The following INTS9 variants were observed in gnomAD, a reference collection of about 807,000 sequenced individuals.
INTS9 encodes the protein protein related to CPSF subunits of 74 kDa.
In INTS9, 55 loss-of-function variants were observed where a neutral mutation model predicts 79.7. The ratio of observed to expected loss-of-function variants is 0.69; its 90% CI spans 0.56 to 0.86. The LOEUF (loss-of-function observed/expected upper bound fraction) is 0.86. INTS9 is among the 40% of genes least tolerant of loss of function. INTS9 has a pLI of 0.00. For missense variants in INTS9, 721 were observed against 831.5 expected, an observed-to-expected ratio of 0.87 and a Z score of 1.64; for synonymous variants, 319 against 325.2, an observed-to-expected ratio of 0.98 and a Z score of 0.20.
chr8:28,793,669 A>G (rs1181706255), intron 10 of INTS9, 138 bp downstream of exon 10: 2 of 847,812 alleles, frequency 2.4e-6, no homozygotes, highest in Admixed American at 3.0e-5. Flanking sequence ...TAATAATGCA[A>G]TCTTATCACA....
intron 8 of INTS9, among the ~76,000 whole-genome samples, chr8:28,806,387 G>C (rs1176475868): frequency 6.6e-6 from 1 of 152,198 alleles, no homozygotes; most frequent in Non-Finnish European, 1.5e-5. Context: ...TGAATATATG[G>C]ACTCCTGAGT....
At chr8:28,878,641 T>TTTA (rs754066067) in intron 1 of INTS9, among the ~76,000 whole-genome samples, 2 of 136,686 alleles carry the variant, frequency 1.5e-5, no homozygotes, top group African/African-American at 5.4e-5. Flanking sequence ...TTTTTTTTTT[T>TTTA]AAAAAAAAAA....
intron 1 of INTS9, among the ~76,000 whole-genome samples, chr8:28,887,001 C>A (rs1810204710): frequency 6.6e-6 from 1 of 152,154 alleles, no homozygotes; most frequent in Non-Finnish European, 1.5e-5. Context: ...GATAAACCTT[C>A]AGAAATTATT....
intron 1 of INTS9, among the ~76,000 whole-genome samples, chr8:28,873,014 T>C (rs904478096): frequency 4.6e-5 from 7 of 151,892 alleles, no homozygotes; most frequent in African/African-American, 1.5e-4. Context: ...GACTCAGAAG[T>C]ATATTCTGAA....
Position 28,777,902 on chromosome 8 carries a change from A to G in INTS9, c.1322T>C (p.Met441Thr), listed in dbSNP as rs1802989765. ...GTCGATGGGGCAGTAGATGCATTTC[A>G]TGGCCAGCGGCTGGTAAGGAGCCAG... Reference protein sequence around the residue: ...EALAPYQPLAMKCIYCPIDTR... With the variant: ...EALAPYQPLATKCIYCPIDTR... Residue 441 changes from methionine (M) to threonine (T), a missense_variant, in exon 13 of 17, where the codon ATG becomes ACG. Physicochemically the swap from Met to Thr is moderately conservative, Grantham distance 81. Coordinates refer to ENST00000521022, the MANE Select transcript of INTS9 (RefSeq NM_018250.4). 1 of 1,612,612 alleles carries G rather than the reference A, an allele frequency of 6.2e-7. No individual in the cohort carries two copies. The highest frequency in any genetic ancestry group is 1.7e-5 in the Admixed American group (1 of 59,854).
intron 1 of INTS9, among the ~76,000 whole-genome samples, chr8:28,881,962 G>T (rs1237995167): frequency 1.4e-5 from 2 of 145,584 alleles, no homozygotes; most frequent in African/African-American, 5.1e-5. Flanking sequence ...TGTGCCCAGC[G>T]GCTCATTGGG....
intron 4 of INTS9, among the ~76,000 whole-genome samples, chr8:28,844,040 C>T (rs1248130376): frequency 6.6e-6 from 1 of 152,172 alleles, no homozygotes; most frequent in Non-Finnish European, 1.5e-5. Context: ...GGGAACTGCT[C>T]ACATGGAGAT....
At chr8:28,792,542 C>T (rs1231749179) in intron 10 of INTS9, among the ~76,000 whole-genome samples, 2 of 103,342 alleles carry the variant, frequency 1.9e-5, no homozygotes, top group Non-Finnish European at 4.6e-5. Context: ...GATTGGATCC[C>T]AAACAAAAAC....
chr8:28,797,761 T>G (rs1344595599), intron 8 of INTS9, among the ~76,000 whole-genome samples: 1 of 152,186 alleles, frequency 6.6e-6, no homozygotes, highest in African/African-American at 2.4e-5. Flanking sequence ...TCATCTCCAT[T>G]GAAAATACCC....
rs537535203 is a variant in INTS9, at chr8:28,846,822, A to G, written c.199-13T>C. ...ACTCCTTTAGCTCCTAAAAGAAATG[A>G]AAAGGAAAAATACAAGGAAGAGATA... On this transcript the variant is annotated splice_polypyrimidine_tract_variant and intron_variant, in intron 3 of 16. Transcript: ENST00000521022. The G allele has an allele frequency of 6.2e-6, 10 of 1,604,298 alleles. No homozygotes were observed. In the African/African-American group the frequency reaches 6.7e-5, roughly 11 times the overall value.
chr8:28,769,847 G>A (rs1425016717), intron 16 of INTS9, 42 bp downstream of exon 16: 4 of 1,607,286 alleles, frequency 2.5e-6, no homozygotes, highest in Admixed American at 1.7e-5. Context: ...GGGAAAGGCT[G>A]CCACGTGTGG....
chr8:28,788,426 C>CT (rs972869839), intron 10 of INTS9, among the ~76,000 whole-genome samples: 4 of 151,428 alleles, frequency 2.6e-5, no homozygotes, highest in African/African-American at 7.3e-5. Context: ...TGTCCATGCA[C>CT]TTTTTTTTTG....
At position 28,770,021 on chromosome 8, in the gene INTS9, AG is replaced by A; in HGVS notation, c.1667del (p.Pro556LeufsTer16). 1.2e-6 allele frequency: 2 copies of A among 1,613,692 alleles called. No individual in the cohort carries two copies. The highest frequency in any genetic ancestry group is 1.7e-5 in the Admixed American group (1 of 60,006). On this transcript the variant is annotated frameshift_variant, in exon 16 of 17. Transcript: ENST00000521022. LOFTEE classifies it high-confidence loss of function. ...CGCTCGTGGGCTGGGCGGGCCGAGG[AG>A]GGGGCTAGAGCAGAAGGAAAGAGTG... ...TKDNKHLLQP[P>X]PRPAQPTSGK...
intron 1 of INTS9, among the ~76,000 whole-genome samples, chr8:28,880,746 C>T (rs1185727442): frequency 1.3e-5 from 2 of 148,170 alleles, no homozygotes; most frequent in African/African-American, 5.0e-5. Context: ...GCCCCTCTGC[C>T]TGGCTGCCCA....
chr8:28,822,871 C>G (rs1276074293), intron 6 of INTS9, among the ~76,000 whole-genome samples: 1 of 152,036 alleles, frequency 6.6e-6, no homozygotes, highest in African/African-American at 2.4e-5. Context: ...CCACACACTT[C>G]CCACACACTC....
chr8:28,777,225 A>C (rs920078918), intron 13 of INTS9, among the ~76,000 whole-genome samples: 7 of 152,100 alleles, frequency 4.6e-5, no homozygotes, highest in Non-Finnish European at 7.4e-5. Context: ...CGCCGGTGTC[A>C]GCTGTCCTCC....
rs1263350578 is a variant in INTS9 at position 28,776,702 on chromosome 8, C to T, written c.1396-776G>A. ...CTAATACTTTTCTCCTCCAAACTGC[C>T]CTTTGCTCCTCCTCTTGACCTGTCT... On this transcript the variant is annotated intron_variant, in intron 13 of 16. Transcript: ENST00000521022. 3.3e-5 allele frequency among the ~76,000 whole-genome samples: 5 copies of T among 152,122 alleles called. No homozygotes were observed. The East Asian group carries it at 9.7e-4, about 29-fold the overall frequency.
intron 8 of INTS9, among the ~76,000 whole-genome samples, chr8:28,809,330 G>A (rs1376624565): frequency 6.6e-6 from 1 of 152,078 alleles, no homozygotes; most frequent in Admixed American, 6.5e-5. Context: ...AATATTATAT[G>A]CCAAAATAGG....
intron 8 of INTS9, among the ~76,000 whole-genome samples, chr8:28,805,658 G>A (rs994631798): frequency 2.6e-5 from 4 of 152,142 alleles, no homozygotes; most frequent in African/African-American, 9.7e-5. Flanking sequence ...GAAGAGATGA[G>A]GGGAGATAGG....
Sources: allele counts gnomAD v4.1 joint callset (sites outside exome capture counted in the v4.1 genomes callset), GRCh38; gene constraint gnomAD v4.1.1; transcripts MANE v1.5; gene names NCBI Gene and HGNC (gene_info 2026-07-23, HGNC 2026-07-21).